ATAD2B: variants seen among roughly 807,000 people sequenced by gnomAD.
ATAD2B encodes the protein ATPase family AAA domain containing 2B.
Under a neutral mutation model 167.6 loss-of-function variants are expected in ATAD2B, and 40 were observed. That is an observed-to-expected ratio of 0.24 (90% CI 0.19 to 0.31). The LOEUF (loss-of-function observed/expected upper bound fraction) is 0.31. Ranked by LOEUF, ATAD2B falls within the 10% of genes least tolerant of loss-of-function variation. The pLI is 1.00. For missense variants in ATAD2B, 1,242 were observed against 1,757.2 expected, an observed-to-expected ratio of 0.71 and a Z score of 5.24; for synonymous variants, 579 against 596.5, an observed-to-expected ratio of 0.97 and a Z score of 0.43.
intron 12 of ATAD2B, among the ~76,000 whole-genome samples, chr2:23,858,504 T>TC (rs1553429112): frequency 2.6e-5 from 4 of 151,318 alleles, no homozygotes; most frequent in South Asian, 2.1e-4. Flanking sequence ...TTTTTTTTTT[T>TC]TTCTTCAGAC....
intron 12 of ATAD2B, among the ~76,000 whole-genome samples, chr2:23,860,651 T>G (rs1018110499): frequency 1.3e-5 from 2 of 152,152 alleles, no homozygotes; most frequent in African/African-American, 4.8e-5. Context: ...GCACTAAACT[T>G]TAATGTTTCC....
At chr2:23,754,535 G>A in intron 26 of ATAD2B, 112 bp downstream of exon 26, 1 of 1,342,424 alleles carries the variant, frequency 7.4e-7, no homozygotes, top group Non-Finnish European at 1.0e-6. Flanking sequence ...GAGCTCTGAG[G>A]CATTTATATT....
At chr2:23,701,507 G>A in the ATAD2B span, among the ~76,000 whole-genome samples, 3 of 152,208 alleles carry the variant, frequency 2.0e-5, no homozygotes, top group African/African-American at 4.8e-5. Context: ...AAGCTCAGGA[G>A]TTCGAGACCA....
chr2:23,760,731 T>TAC (rs1558494284), intron 24 of ATAD2B, among the ~76,000 whole-genome samples: 32 of 81,768 alleles, frequency 3.9e-4, no homozygotes, highest in African/African-American at 1.1e-3. Flanking sequence ...CACACACACA[T>TAC]ATACACACAC....
chr2:23,682,424 C>T, the ATAD2B span, among the ~76,000 whole-genome samples: 14 of 152,194 alleles, frequency 9.2e-5, no homozygotes, highest in Non-Finnish European at 1.8e-4. The surrounding 1 kb of genome is among the most constrained non-coding windows in gnomAD (Gnocchi z 4.1). Flanking sequence ...ACTCTCTGCA[C>T]GGCGCTATCT....
At chr2:23,819,981 AT>A (rs1366260497) in intron 16 of ATAD2B, 99 bp from the exon 17 acceptor site, 1 of 778,768 alleles carries the variant, frequency 1.3e-6, no homozygotes, top group East Asian at 2.8e-5. Flanking sequence ...ATCAAATGAC[AT>A]TAATAAGTTA....
chr2:23,835,612 T>C (rs1572966817), intron 13 of ATAD2B, among the ~76,000 whole-genome samples: 1 of 152,154 alleles, frequency 6.6e-6, no homozygotes, highest in African/African-American at 2.4e-5. Flanking sequence ...TTTGTAAATA[T>C]ACTGAAAGTC....
the ATAD2B span, among the ~76,000 whole-genome samples, chr2:23,678,807 A>G: frequency 1.5e-4 from 23 of 152,370 alleles, no homozygotes; most frequent in Non-Finnish European, 2.9e-4. Context: ...AAATAAAGCC[A>G]TTCACAGGAC....
At chr2:23,842,022 A>T (rs1316738198) in intron 13 of ATAD2B, among the ~76,000 whole-genome samples, 5 of 152,066 alleles carry the variant, frequency 3.3e-5, no homozygotes, top group Non-Finnish European at 7.4e-5. Context: ...TAGATGTCTC[A>T]CTTATAAACA....
chr2:23,794,747 TACCAA>T (rs1682336626), intron 19 of ATAD2B, among the ~76,000 whole-genome samples: 1 of 152,120 alleles, frequency 6.6e-6, no homozygotes, highest in Admixed American at 6.5e-5. Flanking sequence ...AATATACTAT[TACCAA>T]AATAGTATAT....
At chr2:23,706,175 G>A in the ATAD2B span, among the ~76,000 whole-genome samples, 3 of 152,232 alleles carry the variant, frequency 2.0e-5, no homozygotes, top group Non-Finnish European at 4.4e-5. Context: ...AAGCCTCAGT[G>A]ACCTGAGCTG....
intron 13 of ATAD2B, among the ~76,000 whole-genome samples, chr2:23,840,084 T>C (rs1433904142): frequency 2.0e-5 from 3 of 152,220 alleles, no homozygotes; most frequent in African/African-American, 7.2e-5. Context: ...AATTGCTAAG[T>C]AATATTCCAT....
intron 13 of ATAD2B, among the ~76,000 whole-genome samples, chr2:23,852,964 C>G (rs1207716153): frequency 1.3e-5 from 2 of 150,812 alleles, no homozygotes; most frequent in African/African-American, 4.8e-5. Flanking sequence ...AATGCTCTAC[C>G]TTAATAGAAT....
chr2:23,825,902 T>C (rs912600352), intron 15 of ATAD2B, among the ~76,000 whole-genome samples: 1 of 152,210 alleles, frequency 6.6e-6, no homozygotes, highest in African/African-American at 2.4e-5. Context: ...AGCAATGTAT[T>C]ATTTATTGAT....
chr2:23,699,503 C>T, the ATAD2B span, among the ~76,000 whole-genome samples: 1 of 152,216 alleles, frequency 6.6e-6, no homozygotes, highest in African/African-American at 2.4e-5. Flanking sequence ...TGAAGCAAGA[C>T]CTCAAACATC....
intron 21 of ATAD2B, among the ~76,000 whole-genome samples, chr2:23,784,773 TG>T (rs148369736): frequency 0.013 from 1,901 of 144,446 alleles, 24 homozygotes; most frequent in Middle Eastern, 0.038. Context: ...AAAAACACTA[TG>T]GGGGGGGGGA....
chr2:23,858,692 G>A (rs985517424), intron 12 of ATAD2B, among the ~76,000 whole-genome samples: 5 of 150,952 alleles, frequency 3.3e-5, no homozygotes, highest in South Asian at 2.1e-4. Context: ...TATGTTGCCC[G>A]GGATGGTCTC....
intron 2 of ATAD2B, among the ~76,000 whole-genome samples, chr2:23,890,823 A>C (rs769065347): frequency 5.3e-5 from 8 of 152,194 alleles, no homozygotes; most frequent in Non-Finnish European, 8.8e-5. Context: ...TCTGCTCTAA[A>C]GAAGACAATG....
chr2:23,915,985 G>C (rs1702994016), intron 1 of ATAD2B, among the ~76,000 whole-genome samples: 1 of 152,092 alleles, frequency 6.6e-6, no homozygotes, highest in Non-Finnish European at 1.5e-5. Flanking sequence ...TAACTTATTT[G>C]GAGGTTATGA....
Sources: allele counts gnomAD v4.1 joint callset (sites outside exome capture counted in the v4.1 genomes callset), GRCh38; gene constraint gnomAD v4.1.1; non-coding constraint Gnocchi (gnomAD v3.1); transcripts MANE v1.5; gene names NCBI Gene and HGNC (gene_info 2026-07-23, HGNC 2026-07-21).